MRAP2: variants seen among roughly 807,000 people sequenced by gnomAD.
The protein encoded by MRAP2 is melanocortin 2 receptor accessory protein 2.
In MRAP2, 20 loss-of-function variants were observed where a neutral mutation model predicts 17.4. That is an observed-to-expected ratio of 1.15 (90% CI 0.81 to 1.67). The LOEUF (loss-of-function observed/expected upper bound fraction) is 1.67. Ranked by LOEUF, MRAP2 falls within the 40% of genes most tolerant of loss-of-function variation. The probability of loss-of-function intolerance (pLI) is 0.00; values close to 1 mark genes in which losing one functional copy is unlikely to be tolerated. For synonymous variants in MRAP2, 96 were observed against 88.4 expected, an observed-to-expected ratio of 1.09 and a Z score of -0.48; for missense variants, 238 against 240.0, an observed-to-expected ratio of 0.99 and a Z score of 0.05.
At chr6:84,146,253 G>A in the MRAP2 span, among the ~76,000 whole-genome samples, 2 of 152,116 alleles carry the variant, frequency 1.3e-5, no homozygotes, top group South Asian at 2.1e-4. Context: ...TGTGCTGCAC[G>A]TATTAATAAA....
chr6:84,108,205 C>G, the MRAP2 span, among the ~76,000 whole-genome samples: 1 of 152,068 alleles, frequency 6.6e-6, no homozygotes, highest in Non-Finnish European at 1.5e-5. Context: ...GGTATATAAC[C>G]AGTAATGGGA....
intron 1 of MRAP2, among the ~76,000 whole-genome samples, chr6:84,038,237 A>T (rs947334674): frequency 2.0e-5 from 3 of 152,218 alleles, no homozygotes; most frequent in African/African-American, 7.2e-5. Flanking sequence ...TAACACACCC[A>T]TGTGAGGTAT....
chr6:84,085,665 C>T (rs2099500261), intron 3 of MRAP2, among the ~76,000 whole-genome samples: 1 of 152,146 alleles, frequency 6.6e-6, no homozygotes, highest in Non-Finnish European at 1.5e-5. Flanking sequence ...AATTTTAACC[C>T]AGGCATGCAG....
intron 1 of MRAP2, among the ~76,000 whole-genome samples, chr6:84,038,234 C>G (rs1021844744): frequency 6.6e-6 from 1 of 152,210 alleles, no homozygotes; most frequent in African/African-American, 2.4e-5. Flanking sequence ...TACTAACACA[C>G]CCATGTGAGG....
chr6:84,060,776 G>C (rs1411852451), intron 2 of MRAP2, among the ~76,000 whole-genome samples: 6 of 150,798 alleles, frequency 4.0e-5, no homozygotes, highest in African/African-American at 1.5e-4. Flanking sequence ...AGCTCCACCT[G>C]CCGGGTTCAC....
intron 1 of MRAP2, among the ~76,000 whole-genome samples, chr6:84,046,216 T>C (rs1454796030): frequency 6.6e-6 from 1 of 152,214 alleles, no homozygotes; most frequent in East Asian, 1.9e-4. Context: ...TAGTTGTTTT[T>C]TTAAAATTTT....
At chr6:84,063,391 A>G (rs2099493683) in intron 3 of MRAP2, 1 of 985,326 alleles carries the variant, frequency 1.0e-6, no homozygotes. Context: ...TTTAAAAATT[A>G]TTTCAAGAAG....
chr6:84,139,209 T>G, the MRAP2 span, among the ~76,000 whole-genome samples: 4 of 152,214 alleles, frequency 2.6e-5, no homozygotes, highest in Non-Finnish European at 5.9e-5. Context: ...AGCCCAGAGA[T>G]GGCACCAGAG....
At chr6:84,084,917 ATTTATTT>A (rs2099499975) in intron 3 of MRAP2, among the ~76,000 whole-genome samples, 10 of 96,254 alleles carry the variant, frequency 1.0e-4, no homozygotes, top group South Asian at 2.9e-4. Flanking sequence ...TATTTTATTT[ATTTATTT>A]TATTTTACTT....
At chr6:84,099,795 C>T in the MRAP2 span, among the ~76,000 whole-genome samples, 16 of 152,160 alleles carry the variant, frequency 1.1e-4, no homozygotes, top group African/African-American at 3.4e-4. Context: ...TACCTACTCT[C>T]AGGTATTCCT....
At chr6:84,131,647 C>A in the MRAP2 span, among the ~76,000 whole-genome samples, 3 of 150,492 alleles carry the variant, frequency 2.0e-5, no homozygotes, top group Non-Finnish European at 4.4e-5. Context: ...TTATCAGAGA[C>A]TAGGATTGCA....
chr6:84,097,422 G>T, the MRAP2 span, among the ~76,000 whole-genome samples: 1 of 151,994 alleles, frequency 6.6e-6, no homozygotes, highest in East Asian at 1.9e-4. Flanking sequence ...TATTACTTTT[G>T]TTGTTGTATT....
chr6:84,065,309 A>G (rs2099494393), intron 3 of MRAP2, among the ~76,000 whole-genome samples: 1 of 152,134 alleles, frequency 6.6e-6, no homozygotes, highest in African/African-American at 2.4e-5. Flanking sequence ...TTTAAACACA[A>G]ACATTTTAAA....
At chr6:84,110,168 G>A in the MRAP2 span, among the ~76,000 whole-genome samples, 2,525 of 152,226 alleles carry the variant, frequency 0.017, 67 homozygotes, top group African/African-American at 0.056. Context: ...TTGCCATACT[G>A]TCTTCCAAAA....
At chr6:84,081,893 G>C (rs1562890208) in intron 3 of MRAP2, among the ~76,000 whole-genome samples, 2 of 152,200 alleles carry the variant, frequency 1.3e-5, no homozygotes, top group Non-Finnish European at 2.9e-5. Context: ...TGCCATGTAA[G>C]ATGTGCCTTG....
intron 2 of MRAP2, chr6:84,062,161 C>A: frequency 1.1e-6 from 1 of 947,248 alleles, no homozygotes; most frequent in Non-Finnish European, 1.3e-6. Flanking sequence ...TATTTGCATA[C>A]TTGCATTCTT....
chr6:84,036,738 G>A (rs1272787700), intron 1 of MRAP2, among the ~76,000 whole-genome samples: 1 of 152,152 alleles, frequency 6.6e-6, no homozygotes, highest in Non-Finnish European at 1.5e-5. Flanking sequence ...CCCACATCCT[G>A]CTGATTGGTC....
the MRAP2 span, among the ~76,000 whole-genome samples, chr6:84,114,273 T>C: frequency 6.6e-6 from 1 of 151,914 alleles, no homozygotes. Flanking sequence ...ACTTTGTTCA[T>C]TCCTTTTCAT....
rs369362936 is a variant in MRAP2 at position 84,084,913 on chromosome 6, A to ATTTTAT, written c.228-4175_228-4174insTATTTT. 7.3e-4 allele frequency among the ~76,000 whole-genome samples: 72 copies of ATTTTAT among 98,674 alleles called. 1 individual carries two copies. Among genetic ancestry groups the ATTTTAT allele is most frequent in the African/African-American group, 2.9e-3 (62 of 21,072 alleles). 64.7% of individuals were successfully genotyped at this position (98,674 alleles called of 152,430 possible). ...ATTTTATTTTATTTTATTTTATTTTATTTATTTATTTTATTTTACTTTATT... is the reference window on the plus strand; with the variant it reads ...ATTTTATTTTATTTTATTTTATTTTATTTTATTTTATTTATTTTATTTTACTTTATT... On this transcript the variant is annotated intron_variant, in intron 3 of 3. Transcript: ENST00000257776.
Sources: gnomAD v4.1 joint callset for allele counts (sites outside exome capture counted in the v4.1 genomes callset) on GRCh38, gnomAD v4.1.1 for gene constraint, MANE v1.5 for transcripts, NCBI Gene and HGNC (gene_info 2026-07-23, HGNC 2026-07-21) for gene names.